ZC3H14: variants seen among roughly 807,000 people sequenced by gnomAD.
ZC3H14 encodes zinc finger CCCH domain-containing protein 14.
ZC3H14 carries 31 observed loss-of-function variants against 92.4 expected under a neutral mutation model. The ratio of observed to expected loss-of-function variants is 0.34; its 90% CI spans 0.25 to 0.45. The LOEUF (loss-of-function observed/expected upper bound fraction) is 0.45, where lower values mean the gene tolerates loss of function less well. ZC3H14 is among the 20% of genes least tolerant of loss of function. The probability of loss-of-function intolerance (pLI) is 1.00; values close to 1 mark genes in which losing one functional copy is unlikely to be tolerated. For missense variants in ZC3H14, 781 were observed against 897.3 expected (o/e 0.87, Z 1.66); for synonymous variants, 321 against 300.9 (o/e 1.07, Z -0.69).
In ZC3H14 at chr14:88,602,184, G is replaced by A. The variant is rs887312487; in HGVS notation, c.1514+101G>A. 6.5e-5 allele frequency: 99 copies of A among 1,521,288 alleles called. 2 individuals are homozygous for A. In the South Asian group the frequency reaches 9.1e-4, roughly 14 times the overall value. 94.2% of individuals were successfully genotyped at this position (1,521,288 alleles called of 1,614,324 possible). A position where few individuals can be genotyped will look rare whatever the true frequency, so the allele number is the denominator to read the frequency against. On this transcript the variant is annotated intron_variant, in intron 11 of 16. Coordinates refer to ENST00000251038, the MANE Select transcript of ZC3H14 (RefSeq NM_024824.5). ...CCTCCTCCCCGCCCTAACCGCTAGC[G>A]TAGAGTGCTTTCATTGATTCAGTAG...
At chr14:88,571,411 A>G (rs1481387044) in intron 4 of ZC3H14, among the ~76,000 whole-genome samples, 1 of 152,184 alleles carries the variant, frequency 6.6e-6, no homozygotes, top group African/African-American at 2.4e-5. Context: ...ATTGAAAACA[A>G]TTTAAAAGTT....
chr14:88,581,135 A>C (rs1332400835), intron 9 of ZC3H14, among the ~76,000 whole-genome samples: 2 of 152,228 alleles, frequency 1.3e-5, no homozygotes, highest in African/African-American at 4.8e-5. Flanking sequence ...TTCGGAACTC[A>C]CAGTGTATTT....
Position 88,625,113 on chromosome 14 carries a change from A to G in ZC3H14, c.*13362A>G. On this transcript the variant is annotated 3_prime_UTR_variant, in exon 17 of 17. Coordinates refer to ENST00000251038, the MANE Select transcript of ZC3H14 (RefSeq NM_024824.5). ...AGACATCACCACTGATGGTACCTGTAAACGTCAAGTTATTCTGAAAAGGAG... is the reference window on the plus strand; with the variant it reads ...AGACATCACCACTGATGGTACCTGTGAACGTCAAGTTATTCTGAAAAGGAG... 8 of 1,613,834 alleles carry G rather than the reference A, an allele frequency of 5.0e-6. No individual in the cohort carries two copies. The highest frequency in any genetic ancestry group is 5.9e-6 in the Non-Finnish European group (7 of 1,179,832).
chr14:88,573,425 A>AT (rs2080736188), intron 6 of ZC3H14, among the ~76,000 whole-genome samples: 1 of 151,950 alleles, frequency 6.6e-6, no homozygotes, highest in Non-Finnish European at 1.5e-5. Flanking sequence ...CATATTCCAA[A>AT]TTTATTTTAT....
At chr14:88,596,860 C>A (rs763872843) in intron 10 of ZC3H14, 52 bp downstream of exon 10, 1 of 1,422,704 alleles carries the variant, frequency 7.0e-7, no homozygotes, top group Non-Finnish European at 9.9e-7. Flanking sequence ...GTTGCCATTT[C>A]CATTTCTTAC....
Position 88,616,079 on chromosome 14 carries a change from G to T in ZC3H14, c.*4328G>T. 6.5e-7 allele frequency: 1 copy of T among 1,536,680 alleles called. No homozygotes were observed. Among genetic ancestry groups the T allele is most frequent in the Non-Finnish European group, 9.0e-7 (1 of 1,110,590 alleles). Reference sequence around the variant, plus strand: ...TTCATAAACCAAAGCTGTAGGAGTTGTTGTATTAAGTCTCTTAACTAGTAA... The same window carrying T: ...TTCATAAACCAAAGCTGTAGGAGTTTTTGTATTAAGTCTCTTAACTAGTAA... On this transcript the variant is annotated 3_prime_UTR_variant, in exon 17 of 17. Transcript: ENST00000251038.
At chr14:88,565,192 A>T (rs1229029238) in intron 2 of ZC3H14, among the ~76,000 whole-genome samples, 3 of 152,082 alleles carry the variant, frequency 2.0e-5, no homozygotes, top group African/African-American at 7.2e-5. Context: ...CCCAGGCTGG[A>T]GTGCAGTGGC....
chr14:88,620,451 CTT>C lies in ZC3H14; in HGVS notation c.*8701_*8702del. The C allele has an allele frequency of 4.3e-6, 1 of 234,964 alleles. No individual in the cohort carries two copies. The highest frequency in any genetic ancestry group is 2.2e-5 in the African/African-American group (1 of 44,736). The allele number at this position is 234,964 out of a possible 1,614,324, so 14.6% of individuals were successfully genotyped here. On this transcript the variant is annotated 3_prime_UTR_variant, in exon 17 of 17. Coordinates refer to ENST00000251038, the MANE Select transcript of ZC3H14 (RefSeq NM_024824.5). This position sits in a 1 kb window ranked among gnomAD's most constrained non-coding sequence, Gnocchi z 4.3. ...CAACTTTTGAAGGGCAGATAGCTCT[CTT>C]GTATTACAGTGGGAGATACCTCTTG...
chr14:88,594,478 G>C (rs1221763200), intron 9 of ZC3H14: 1 of 1,324,516 alleles, frequency 7.5e-7, no homozygotes, highest in African/African-American at 1.5e-5. Flanking sequence ...TAGTTGTAGC[G>C]AAGAGCAATT....
rs764176458 is a variant in ZC3H14 at position 88,572,659 on chromosome 14, G to A, written c.513G>A (p.Val171=). ...GGGAGCCAGCACCCTCTGAAGATGTGATTGATATTAAGCCAGAACCAGATG... is the reference window on the plus strand; with the variant it reads ...GGGAGCCAGCACCCTCTGAAGATGTAATTGATATTAAGCCAGAACCAGATG... ...PLREPAPSED[V]IDIKPEPDDL... The change falls in exon 6 of 17, where the codon GTG becomes GTA. Residue 171 remains valine, a synonymous_variant. Coordinates refer to ENST00000251038, the MANE Select transcript of ZC3H14 (RefSeq NM_024824.5). 2.5e-6 allele frequency: 4 copies of A among 1,614,042 alleles called. No homozygotes were observed. The African/African-American group carries it at 5.3e-5, about 22-fold the overall frequency.
At chr14:88,597,712 G>A (rs922025019) in intron 10 of ZC3H14, among the ~76,000 whole-genome samples, 1 of 152,150 alleles carries the variant, frequency 6.6e-6, no homozygotes, top group African/African-American at 2.4e-5. Context: ...TTCTCTGCCC[G>A]TGATTTTGCT....
In ZC3H14 at chr14:88,571,878, C is replaced by T. The variant is rs953133646; in HGVS notation, c.236-152C>T. The T allele has an allele frequency of 6.2e-5, 30 of 486,938 alleles. No homozygotes were observed. In the Middle Eastern group the frequency reaches 1.8e-3, roughly 30 times the overall value. 30.2% of individuals were successfully genotyped at this position (486,938 alleles called of 1,614,324 possible). On this transcript the variant is annotated intron_variant, in intron 4 of 16. Coordinates refer to ENST00000251038, the MANE Select transcript of ZC3H14 (RefSeq NM_024824.5). ...ACTTGGGAGGCCGGGGCAGGAGAAT[C>T]GCTTGAACCAGGGATTTGGAGGTTG...
intron 2 of ZC3H14, among the ~76,000 whole-genome samples, chr14:88,567,124 A>ATTTTTATTT (rs2079764118): frequency 6.9e-6 from 1 of 145,238 alleles, no homozygotes; most frequent in Non-Finnish European, 1.5e-5. Flanking sequence ...TTATTTATTT[A>ATTTTTATTT]TTTTTTTTTG....
At chr14:88,597,683 C>T (rs904501393) in intron 10 of ZC3H14, among the ~76,000 whole-genome samples, 1 of 152,230 alleles carries the variant, frequency 6.6e-6, no homozygotes, top group African/African-American at 2.4e-5. Context: ...TGTCTTCTCT[C>T]TGTAGAGGTG....
chr14:88,578,274 T>G, intron 9 of ZC3H14, 134 bp downstream of exon 9: 1 of 1,313,226 alleles, frequency 7.6e-7, no homozygotes, highest in South Asian at 1.3e-5. Context: ...ATGAGAAGAA[T>G]ACCATGAGGA....
Position 88,566,791 on chromosome 14 carries a change from GT to G in ZC3H14, c.80-1247del, listed in dbSNP as rs201199739. On this transcript the variant is annotated intron_variant, in intron 2 of 16. Coordinates refer to ENST00000251038, the MANE Select transcript of ZC3H14 (RefSeq NM_024824.5). ...AAACATTAGCTGGGTGTGGTGGCAG[GT>G]GCCTGTAATCCCAGCTACTCGGGAG... Among the ~76,000 whole-genome samples the G allele has an allele frequency of 4.8e-4, 73 of 152,060 alleles. 2 individuals carry two copies. The South Asian group carries it at 5.0e-3, about 10-fold the overall frequency.
Position 88,626,991 on chromosome 14 carries a change from G to T in ZC3H14, c.*15240G>T, listed in dbSNP as rs927162670. On this transcript the variant is annotated 3_prime_UTR_variant, in exon 17 of 17. Coordinates refer to ENST00000251038, the MANE Select transcript of ZC3H14 (RefSeq NM_024824.5). ...CAAACTGGGTATCTGAATCTGGTCG[G>T]AATTCTGCCACAAAAATACGTTGAT... is the stretch of plus-strand genomic sequence containing the variant. 2 of 1,613,842 alleles carry T rather than the reference G, an allele frequency of 1.2e-6. No homozygotes were observed. Among genetic ancestry groups the T allele is most frequent in the Non-Finnish European group, 1.7e-6 (2 of 1,179,846 alleles).
At chr14:88,610,747 A>T in intron 15 of ZC3H14, 87 bp from the exon 16 acceptor site, 2 of 1,303,368 alleles carry the variant, frequency 1.5e-6, no homozygotes, top group South Asian at 2.5e-5. Context: ...TGGGTGACAG[A>T]GTGAGACCCT....
intron 9 of ZC3H14, 96 bp downstream of exon 9, chr14:88,578,236 A>G: frequency 3.4e-6 from 5 of 1,468,588 alleles, no homozygotes; most frequent in Non-Finnish European, 4.7e-6. Flanking sequence ...ACACTATGAA[A>G]AAAGTGATGA....
Sources: gnomAD v4.1 joint callset for allele counts (sites outside exome capture counted in the v4.1 genomes callset) on GRCh38, gnomAD v4.1.1 for gene constraint, Gnocchi (gnomAD v3.1) non-coding constraint, MANE v1.5 for transcripts, NCBI Gene and HGNC (gene_info 2026-07-23, HGNC 2026-07-21) for gene names.